WWOX: variants seen among roughly 807,000 people sequenced by gnomAD.
WWOX encodes the protein WW domain-containing oxidoreductase.
In WWOX, 69 loss-of-function variants were observed where a neutral mutation model predicts 46.2. That is an observed-to-expected ratio of 1.49 (90% confidence interval 1.23 to 1.82). The LOEUF (loss-of-function observed/expected upper bound fraction) is 1.82, where lower values mean the gene tolerates loss of function less well. Among genes scored for constraint, WWOX ranks in the 40% most tolerant of loss-of-function variants. WWOX has a pLI of 0.00. For missense variants in WWOX, 919 were observed against 542.6 expected (o/e 1.69, Z -6.89); for synonymous variants, 359 against 202.6 (o/e 1.77, Z -6.56).
chr16:78,793,599 T>C (rs1358353380), intron 8 of WWOX, among the ~76,000 whole-genome samples: 1 of 152,208 alleles, frequency 6.6e-6, no homozygotes, highest in Non-Finnish European at 1.5e-5. Flanking sequence ...AGGTAACCTT[T>C]ATTGTTTAAA....
chr16:78,681,060 C>G (rs2047717702), intron 8 of WWOX, among the ~76,000 whole-genome samples: 1 of 151,202 alleles, frequency 6.6e-6, no homozygotes, highest in Admixed American at 6.6e-5. Context: ...ACCACCCTGG[C>G]TAACATGGTG....
At chr16:78,961,524 G>A (rs1382878260) in intron 8 of WWOX, among the ~76,000 whole-genome samples, 2 of 152,046 alleles carry the variant, frequency 1.3e-5, no homozygotes, top group East Asian at 1.9e-4. Flanking sequence ...ATGGTGGGTG[G>A]TAGGTGGGTA....
intron 8 of WWOX, among the ~76,000 whole-genome samples, chr16:78,936,474 T>G (rs1338153591): frequency 6.6e-6 from 1 of 152,066 alleles, no homozygotes; most frequent in African/African-American, 2.4e-5. Flanking sequence ...AATAAATAGG[T>G]ACATAAGTGC....
intron 5 of WWOX, among the ~76,000 whole-genome samples, chr16:78,372,205 C>G (rs1246203179): frequency 6.6e-6 from 1 of 152,188 alleles, no homozygotes; most frequent in African/African-American, 2.4e-5. Flanking sequence ...CTCCCTTATT[C>G]TCACACAGAG....
chr16:78,408,713 A>T (rs1422392276), intron 6 of WWOX, among the ~76,000 whole-genome samples: 2 of 152,158 alleles, frequency 1.3e-5, no homozygotes, highest in East Asian at 3.9e-4. Context: ...TTGAAGAGGG[A>T]GATACAGCTA....
intron 8 of WWOX, among the ~76,000 whole-genome samples, chr16:78,836,434 A>G (rs1282608805): frequency 6.6e-6 from 1 of 152,190 alleles, no homozygotes; most frequent in African/African-American, 2.4e-5. Context: ...TCCCGCAAGG[A>G]CATACTACTG....
intron 8 of WWOX, among the ~76,000 whole-genome samples, chr16:78,921,613 A>C (rs1037022897): frequency 1.3e-5 from 2 of 152,148 alleles, no homozygotes; most frequent in African/African-American, 4.8e-5. Flanking sequence ...GAGCTCAGGG[A>C]GGTTACATGG....
intron 8 of WWOX, among the ~76,000 whole-genome samples, chr16:78,876,641 C>G (rs1174682209): frequency 1.3e-5 from 2 of 152,110 alleles, no homozygotes; most frequent in South Asian, 4.1e-4. Context: ...CTAGAGATCT[C>G]TAAAAGGCAG....
chr16:78,467,143 G>T (rs1312391730), intron 8 of WWOX, among the ~76,000 whole-genome samples: 2 of 152,252 alleles, frequency 1.3e-5, no homozygotes, highest in African/African-American at 4.8e-5. Context: ...GAATTTCAAA[G>T]CCAAAGATTC....
intron 5 of WWOX, among the ~76,000 whole-genome samples, chr16:78,201,674 A>ATTAT (rs149809338): frequency 0.032 from 4,700 of 146,436 alleles, 83 homozygotes; most frequent in Admixed American, 0.044. Flanking sequence ...CATTCCTTGG[A>ATTAT]TTATTTATTT....
intron 8 of WWOX, among the ~76,000 whole-genome samples, chr16:78,799,251 C>T (rs1118736): frequency 0.75 from 113,614 of 152,066 alleles, 42,924 homozygotes; most frequent in Middle Eastern, 0.83. Flanking sequence ...TGTGTCTTGC[C>T]GTCTCTTTAA....
rs1555517901 is a variant in WWOX, at chr16:78,314,710, T to TTTG, written c.517-72148_517-72147insGTT. ...GGGGTTTTTTTTTTTTGTTTTTTTT[T>TTTG]TTTTTTTTTTTCTGTATTTTCAGTA... On this transcript the variant is annotated intron_variant, in intron 5 of 8. Transcript: ENST00000566780. Among the ~76,000 whole-genome samples the TTTG allele has an allele frequency of 6.2e-4, 65 of 104,836 alleles. 1 individual carries two copies. Among genetic ancestry groups the TTTG allele is most frequent in the African/African-American group, 1.2e-3 (35 of 28,532 alleles). 68.8% of individuals were successfully genotyped at this position (104,836 alleles called of 152,430 possible). A position where few individuals can be genotyped will look rare whatever the true frequency, so the allele number is the denominator to read the frequency against.
chr16:79,132,157 CACACACACA>C (rs1567571767), intron 8 of WWOX, among the ~76,000 whole-genome samples: 2 of 151,326 alleles, frequency 1.3e-5, no homozygotes, highest in African/African-American at 4.9e-5. Flanking sequence ...CACACACACA[CACACACACA>C]CCCCTTCCTA....
At chr16:78,722,594 A>G (rs1266242418) in intron 8 of WWOX, among the ~76,000 whole-genome samples, 2 of 151,554 alleles carry the variant, frequency 1.3e-5, no homozygotes, top group African/African-American at 4.8e-5. Context: ...AATTTGTGTG[A>G]TGACTATGTG....
chr16:78,358,670 A>G (rs1347449862), intron 5 of WWOX, among the ~76,000 whole-genome samples: 1 of 38,404 alleles, frequency 2.6e-5, no homozygotes, highest in South Asian at 6.2e-4. Flanking sequence ...AAAATAAATA[A>G]TATGTGTGTG....
intron 8 of WWOX, among the ~76,000 whole-genome samples, chr16:79,183,731 C>T (rs1435166955): frequency 6.6e-6 from 1 of 152,204 alleles, no homozygotes; most frequent in Admixed American, 6.5e-5. Flanking sequence ...TCTACTATTG[C>T]ACCCACTCTA....
At chr16:78,667,650 G>A (rs9925041) in intron 8 of WWOX, among the ~76,000 whole-genome samples, 2,016 of 124,244 alleles carry the variant, frequency 0.016, 44 homozygotes, top group African/African-American at 0.059. Flanking sequence ...CAGCCTGGGC[G>A]ACAGAGTGAG....
chr16:78,734,844 T>TC (rs2049048795), intron 8 of WWOX, among the ~76,000 whole-genome samples: 1 of 47,588 alleles, frequency 2.1e-5, no homozygotes, highest in Non-Finnish European at 3.4e-5. Flanking sequence ...TTCAGTCCTT[T>TC]TTTTTTTTTT....
At chr16:78,623,794 TATGA>T (rs1023328066) in intron 8 of WWOX, among the ~76,000 whole-genome samples, 6 of 152,006 alleles carry the variant, frequency 3.9e-5, no homozygotes, top group African/African-American at 1.5e-4. Context: ...TATTTTCCAC[TATGA>T]ATGAAGAAGA....
Sources: gnomAD v4.1 joint callset for allele counts (sites outside exome capture counted in the v4.1 genomes callset) on GRCh38, gnomAD v4.1.1 for gene constraint, MANE v1.5 for transcripts, NCBI Gene and HGNC (gene_info 2026-07-23, HGNC 2026-07-21) for gene names.